The following ARHGAP15 variants were observed in gnomAD, a reference collection of about 807,000 sequenced individuals.
ARHGAP15 encodes the protein rho GTPase-activating protein 15.
A neutral mutation model predicts 63.7 loss-of-function variants in ARHGAP15; 51 were observed. The observed-to-expected ratio is 0.80, with a 90% CI of 0.64 to 1.01. The LOEUF (loss-of-function observed/expected upper bound fraction) is 1.01, where lower values mean the gene tolerates loss of function less well. ARHGAP15 is among the 50% of genes least tolerant of loss of function. The probability of loss-of-function intolerance (pLI) is 0.00; values close to 1 mark genes in which losing one functional copy is unlikely to be tolerated. For synonymous variants in ARHGAP15, 191 were observed against 193.8 expected, an observed-to-expected ratio of 0.99 and a Z score of 0.12; for missense variants, 560 against 564.6, an observed-to-expected ratio of 0.99 and a Z score of 0.08.
At chr2:143,296,539 A>G (rs1682640350) in intron 6 of ARHGAP15, among the ~76,000 whole-genome samples, 1 of 152,044 alleles carries the variant, frequency 6.6e-6, no homozygotes, top group Admixed American at 6.6e-5. Flanking sequence ...AGTTTCTCAG[A>G]AACCTTTGGG....
At chr2:143,295,268 TAC>T (rs1256668381) in intron 6 of ARHGAP15, among the ~76,000 whole-genome samples, 2 of 152,040 alleles carry the variant, frequency 1.3e-5, no homozygotes, top group African/African-American at 4.8e-5. Flanking sequence ...TGGCTTAAGT[TAC>T]ACAGTTTGTA....
rs2105026212 is a variant in ARHGAP15, at chr2:143,412,418, T to G, written c.475-23183T>G. Among the ~76,000 whole-genome samples the G allele has an allele frequency of 1.3e-5, 2 of 152,314 alleles. 1 individual carries two copies. Among genetic ancestry groups the G allele is most frequent in the South Asian group, 4.1e-4 (2 of 4,822 alleles). ...TGAATTGTATCACTATTTGGTAGCT[T>G]TTAACAAAAATTTCAGCTATCAAAG... On this transcript the variant is annotated intron_variant, in intron 6 of 13. Coordinates refer to ENST00000295095, the MANE Select transcript of ARHGAP15 (RefSeq NM_018460.4).
chr2:143,167,179 G>C (rs574679402), intron 2 of ARHGAP15, among the ~76,000 whole-genome samples: 5 of 152,082 alleles, frequency 3.3e-5, no homozygotes, highest in Non-Finnish European at 5.9e-5. Flanking sequence ...ACTGAGCATT[G>C]TCCTTCAAGT....
At chr2:143,438,242 T>C (rs545565053) in intron 8 of ARHGAP15, among the ~76,000 whole-genome samples, 45 of 152,250 alleles carry the variant, frequency 3.0e-4, no homozygotes, top group African/African-American at 1.1e-3. Flanking sequence ...GCTAATGGAA[T>C]ATATGTGTAC....
intron 6 of ARHGAP15, among the ~76,000 whole-genome samples, chr2:143,391,629 C>T (rs1687541992): frequency 6.6e-6 from 1 of 152,108 alleles, no homozygotes; most frequent in Non-Finnish European, 1.5e-5. Context: ...ACCTTTTGAG[C>T]AAAGTTGCAT....
At position 143,661,540 on chromosome 2, in the gene ARHGAP15, T is replaced by C. The variant is rs148024222; in HGVS notation, c.1138+37273T>C. The stretch of plus-strand genomic sequence containing the variant: ...ATTAAGAAAATAAGATTTTAAATGA[T>C]GACTCCTTGAAAATAAGTGCTCGGG... On this transcript the variant is annotated intron_variant, in intron 12 of 13. Transcript: ENST00000295095. Among the ~76,000 whole-genome samples the C allele has an allele frequency of 7.2e-5, 11 of 152,286 alleles. No individual in the cohort carries two copies. In the East Asian group the frequency reaches 1.9e-3, roughly 27 times the overall value.
chr2:143,604,529 A>G (rs549968000), intron 11 of ARHGAP15, among the ~76,000 whole-genome samples: 1 of 152,352 alleles, frequency 6.6e-6, no homozygotes, highest in African/African-American at 2.4e-5. Flanking sequence ...CATTTCACCA[A>G]TATGAATTTA....
At chr2:143,639,569 C>G (rs1444617341) in intron 12 of ARHGAP15, among the ~76,000 whole-genome samples, 1 of 152,094 alleles carries the variant, frequency 6.6e-6, no homozygotes, top group Non-Finnish European at 1.5e-5. Flanking sequence ...CAACAACAAT[C>G]AAGCTCCCAT....
intron 9 of ARHGAP15, among the ~76,000 whole-genome samples, chr2:143,500,210 T>C (rs1324315000): frequency 2.7e-5 from 4 of 150,816 alleles, no homozygotes; most frequent in African/African-American, 7.3e-5. Flanking sequence ...TGATATTCCA[T>C]CAGGAAATAT....
In ARHGAP15 at chr2:143,729,943, T is replaced by TTCTAGAAA. The variant is rs558008004; in HGVS notation, c.1244+26419_1244+26420insTCTAGAAA. Among the ~76,000 whole-genome samples the TTCTAGAAA allele has an allele frequency of 1.6e-3, 237 of 152,302 alleles. 2 individuals carry two copies. The highest frequency in any genetic ancestry group is 5.6e-3 in the African/African-American group (232 of 41,562). On this transcript the variant is annotated intron_variant, in intron 13 of 13. Transcript: ENST00000295095. The stretch of plus-strand genomic sequence containing the variant: ...GAGAGGGAGAAATCATAAATAAGTA[T>TTCTAGAAA]GTGTTCTAGAAAGTGGGGTAAGACC...
chr2:143,673,758 GTATATA>G lies in ARHGAP15; in HGVS notation c.1139-29640_1139-29635del, dbSNP rs70982879. 4.1e-4 allele frequency among the ~76,000 whole-genome samples: 9 copies of G among 22,128 alleles called. No homozygotes were observed. In the East Asian group the frequency reaches 0.016, roughly 40 times the overall value. The allele number at this position is 22,128 out of a possible 152,430, so 14.5% of individuals were successfully genotyped here. The stretch of plus-strand genomic sequence containing the variant: ...TGTGTGTGTGTGTGTGTGTGTGTGT[GTATATA>G]TATATATATATATATATATAAACAA... On this transcript the variant is annotated intron_variant, in intron 12 of 13. Coordinates refer to ENST00000295095, the MANE Select transcript of ARHGAP15 (RefSeq NM_018460.4).
rs1399007571 is a variant in ARHGAP15 at position 143,533,059 on chromosome 2, C to T, written c.925+13695C>T. On this transcript the variant is annotated intron_variant, in intron 10 of 13. Coordinates refer to ENST00000295095, the MANE Select transcript of ARHGAP15 (RefSeq NM_018460.4). ...TCACTTTCTTGAAGTTTCTTCTTGTCTAGAGTTTCTAACACACAATGACAC... is the reference window on the plus strand; with the variant it reads ...TCACTTTCTTGAAGTTTCTTCTTGTTTAGAGTTTCTAACACACAATGACAC... Among the ~76,000 whole-genome samples, 3 of 152,260 alleles carry T rather than the reference C, an allele frequency of 2.0e-5. No individual in the cohort carries two copies. In the East Asian group the frequency reaches 5.8e-4, roughly 29 times the overall value.
chr2:143,470,292 GAAA>G (rs527918583), intron 8 of ARHGAP15, among the ~76,000 whole-genome samples: 1 of 126,720 alleles, frequency 7.9e-6, no homozygotes, highest in Non-Finnish European at 1.7e-5. Context: ...CAAGGTTTTG[GAAA>G]AAAAAAAAAA....
intron 13 of ARHGAP15, among the ~76,000 whole-genome samples, chr2:143,760,031 T>C (rs958741241): frequency 6.6e-6 from 1 of 152,182 alleles, no homozygotes; most frequent in African/African-American, 2.4e-5. Flanking sequence ...GTATGGTTTG[T>C]TGTCTGTTTT....
chr2:143,494,326 C>T (rs1692720355), intron 9 of ARHGAP15, among the ~76,000 whole-genome samples: 1 of 152,072 alleles, frequency 6.6e-6, no homozygotes, highest in Non-Finnish European at 1.5e-5. Context: ...ATCATGTTTT[C>T]AATTTTCTAG....
intron 6 of ARHGAP15, among the ~76,000 whole-genome samples, chr2:143,388,265 A>G (rs914972849): frequency 2.0e-5 from 3 of 152,196 alleles, no homozygotes; most frequent in African/African-American, 7.2e-5. Flanking sequence ...TATGAAAACC[A>G]AAGGTGAATG....
At chr2:143,270,563 G>C (rs1176367992) in intron 6 of ARHGAP15, among the ~76,000 whole-genome samples, 1 of 152,176 alleles carries the variant, frequency 6.6e-6, no homozygotes, top group Non-Finnish European at 1.5e-5. Flanking sequence ...GGTAATTAAT[G>C]AATTGCTCTT....
intron 6 of ARHGAP15, among the ~76,000 whole-genome samples, chr2:143,382,018 G>A: frequency 6.6e-6 from 1 of 151,544 alleles, no homozygotes; most frequent in East Asian, 1.9e-4. Flanking sequence ...TGATGCTTTT[G>A]CTTTTTCCTA....
intron 9 of ARHGAP15, among the ~76,000 whole-genome samples, chr2:143,516,882 T>G (rs925969885): frequency 1.1e-4 from 17 of 152,352 alleles, no homozygotes; most frequent in Admixed American, 5.2e-4. Context: ...CCATGTGTTT[T>G]GAGCTTCTTT....
Sources: gnomAD v4.1 joint callset for allele counts (sites outside exome capture counted in the v4.1 genomes callset) on GRCh38, gnomAD v4.1.1 for gene constraint, MANE v1.5 for transcripts, NCBI Gene and HGNC (gene_info 2026-07-23, HGNC 2026-07-21) for gene names.